ARHGEF11: variants seen among roughly 807,000 people sequenced by gnomAD.
ARHGEF11 encodes the protein Rho guanine nucleotide exchange factor 11.
Under a neutral mutation model 193.7 loss-of-function variants are expected in ARHGEF11, and 55 were observed. The ratio of observed to expected loss-of-function variants is 0.28; its 90% CI spans 0.23 to 0.36. The LOEUF (loss-of-function observed/expected upper bound fraction) is 0.36, where lower values mean the gene tolerates loss of function less well. Among genes scored for constraint, ARHGEF11 ranks in the 10% least tolerant of loss-of-function variants. The pLI, the probability that ARHGEF11 is intolerant of heterozygous loss-of-function variation, is 1.00. For missense variants in ARHGEF11, 1,723 were observed against 2,005.6 expected, an observed-to-expected ratio of 0.86 and a Z score of 2.69; for synonymous variants, 693 against 768.0, an observed-to-expected ratio of 0.90 and a Z score of 1.62.
intron 1 of ARHGEF11, among the ~76,000 whole-genome samples, chr1:157,035,443 T>C (rs1671794995): frequency 6.6e-6 from 1 of 151,870 alleles, no homozygotes; most frequent in African/African-American, 2.4e-5. Flanking sequence ...TTCGCTCTTG[T>C]TGCCCAGGCT....
intron 1 of ARHGEF11, among the ~76,000 whole-genome samples, chr1:157,036,062 T>C (rs1671963392): frequency 7.0e-6 from 1 of 143,584 alleles, no homozygotes; most frequent in African/African-American, 2.6e-5. Context: ...TAGGAATATA[T>C]ATATGAATCT....
chr1:157,041,653 C>T (rs1275487471), intron 1 of ARHGEF11, among the ~76,000 whole-genome samples: 1 of 152,198 alleles, frequency 6.6e-6, no homozygotes, highest in Non-Finnish European at 1.5e-5. Flanking sequence ...ATAATTTGTA[C>T]TTGCTGATCT....
At chr1:156,968,379 G>A (rs1662017675) in intron 10 of ARHGEF11, among the ~76,000 whole-genome samples, 1 of 152,180 alleles carries the variant, frequency 6.6e-6, no homozygotes. Flanking sequence ...GAGGTTATGA[G>A]ACTTGCTAAG....
At chr1:157,045,985 T>A (rs1673288305), upstream of ARHGEF11, among the ~76,000 whole-genome samples, 1 of 150,548 alleles carries the variant, frequency 6.6e-6, no homozygotes, top group African/African-American at 2.4e-5. Flanking sequence ...CTGACCGCCT[T>A]TCCCTGCCTC....
chr1:156,944,843 G>T (rs2101897305), intron 30 of ARHGEF11, among the ~76,000 whole-genome samples, 176 bp downstream of exon 30: 1 of 152,294 alleles, frequency 6.6e-6, no homozygotes, highest in South Asian at 2.1e-4. Flanking sequence ...GGCCTGCCTT[G>T]TCCATCTAGG....
chr1:157,004,443 A>C (rs977510967), intron 1 of ARHGEF11, among the ~76,000 whole-genome samples: 1 of 152,158 alleles, frequency 6.6e-6, no homozygotes, highest in Non-Finnish European at 1.5e-5. Flanking sequence ...CCACAATTAC[A>C]GGCAAGCTCA....
At chr1:156,955,095 G>A (rs1659751848) in intron 20 of ARHGEF11, among the ~76,000 whole-genome samples, 174 bp from the exon 21 acceptor site, 1 of 152,130 alleles carries the variant, frequency 6.6e-6, no homozygotes, top group South Asian at 2.1e-4. Flanking sequence ...AGAAAGGGAG[G>A]CCAGCCCACC....
At chr1:156,985,231 C>T (rs922346544) in intron 2 of ARHGEF11, among the ~76,000 whole-genome samples, 1 of 152,106 alleles carries the variant, frequency 6.6e-6, no homozygotes, top group Admixed American at 6.5e-5. Context: ...TATTTCTTAA[C>T]CTCTCTGTGC....
In ARHGEF11 at chr1:156,954,901, G is replaced by C. The variant is rs891871634; in HGVS notation, c.1789C>G (p.Pro597Ala). 1.2e-6 allele frequency: 2 copies of C among 1,608,340 alleles called. No individual in the cohort carries two copies. Among genetic ancestry groups the C allele is most frequent in the South Asian group, 1.1e-5 (1 of 89,376 alleles). ...SQSTFHIPLS[P>A]VEVKPGNVRN... ...AAAATGGTCCTTTTACCTTCCACAG[G>C]GGACAAGGGAATATGAAATGCTAAA... The change falls in exon 21 of 41, where the codon CCT becomes GCT. Residue 597 changes from proline (P) to alanine (A), a missense_variant. This residue lies in a region of ARHGEF11 where 491 missense variants were observed against 654.5 expected (regional missense o/e 0.75). Coordinates refer to ENST00000368194, the MANE Select transcript of ARHGEF11 (RefSeq NM_198236.3).
At chr1:157,020,080 C>T (rs148104582) in intron 1 of ARHGEF11, among the ~76,000 whole-genome samples, 4,634 of 150,042 alleles carry the variant, frequency 0.031, 87 homozygotes, top group South Asian at 0.054. Context: ...GCCAAGATCA[C>T]GCCACTGCAC....
rs1404727396 is a variant in ARHGEF11, at chr1:157,045,190, T to C, written c.-860A>G. 7 of 152,316 alleles carry C rather than the reference T, an allele frequency of 4.6e-5. No homozygotes were observed. In the East Asian group the frequency reaches 1.4e-3, roughly 29 times the overall value. 9.4% of individuals were successfully genotyped at this position (152,316 alleles called of 1,614,324 possible). A position where few individuals can be genotyped will look rare whatever the true frequency, so the allele number is the denominator to read the frequency against. On this transcript the variant is annotated 5_prime_UTR_variant, in exon 1 of 41. Coordinates refer to ENST00000368194, the MANE Select transcript of ARHGEF11 (RefSeq NM_198236.3). ...GATAATCTCTGAAAATATTCTCTCCTTTTCTTTTTCCTTTAAACTTGCAGG... is the reference window on the plus strand; with the variant it reads ...GATAATCTCTGAAAATATTCTCTCCCTTTCTTTTTCCTTTAAACTTGCAGG...
rs1178407433 is a variant in ARHGEF11, at chr1:156,948,707, G to T, written c.1926-209C>A. On this transcript the variant is annotated intron_variant, in intron 22 of 40. Coordinates refer to ENST00000368194, the MANE Select transcript of ARHGEF11 (RefSeq NM_198236.3). This position sits in a 1 kb window ranked among gnomAD's most constrained non-coding sequence, Gnocchi z 4.2. ...TCTACAAACTCCTCCTCTCTCCCCAGCCTAGCCTGATGGATGGACAGTCAT... is the reference window on the plus strand; with the variant it reads ...TCTACAAACTCCTCCTCTCTCCCCATCCTAGCCTGATGGATGGACAGTCAT... 5 of 1,517,304 alleles carry T rather than the reference G, an allele frequency of 3.3e-6. No homozygotes were observed. The East Asian group carries it at 1.3e-4, about 38-fold the overall frequency. 94.0% of individuals were successfully genotyped at this position (1,517,304 alleles called of 1,614,324 possible).
chr1:156,961,635 A>G (rs1660868909), intron 14 of ARHGEF11, 42 bp downstream of exon 14: 1 of 1,577,442 alleles, frequency 6.3e-7, no homozygotes, highest in South Asian at 1.1e-5. Flanking sequence ...GAGTAGTTCA[A>G]AGAATATGAT....
chr1:156,936,416 C>T (rs1047957010), intron 40 of ARHGEF11, among the ~76,000 whole-genome samples: 4 of 145,036 alleles, frequency 2.8e-5, no homozygotes, highest in Non-Finnish European at 6.0e-5. Flanking sequence ...TGGATCACTT[C>T]GGCCCAGGAG....
In ARHGEF11 at chr1:157,044,799, G is replaced by T. The variant is rs72994783; in HGVS notation, c.-469C>A. 5,338 of 336,764 alleles carry T rather than the reference G, an allele frequency of 0.016. 255 individuals are homozygous for T. The highest frequency in any genetic ancestry group is 0.1 in the African/African-American group (4,889 of 47,446). The allele number at this position is 336,764 out of a possible 1,614,324, so 20.9% of individuals were successfully genotyped here. On this transcript the variant is annotated 5_prime_UTR_variant, in exon 1 of 41. Transcript: ENST00000368194. ...CAAGAGACCCTCTAGCTCAAAGGGG[G>T]AAAGTAATTTTCTAGTCTCCAATGC...
intron 30 of ARHGEF11, 151 bp from the exon 31 acceptor site, chr1:156,944,584 C>A: frequency 1.2e-6 from 1 of 806,780 alleles, no homozygotes; most frequent in Admixed American, 2.5e-5. Flanking sequence ...GGGATGAAGA[C>A]AAGCAAAAAG....
chr1:156,966,530 C>A (rs1404030890), intron 11 of ARHGEF11, among the ~76,000 whole-genome samples: 1 of 152,164 alleles, frequency 6.6e-6, no homozygotes, highest in East Asian at 1.9e-4. Flanking sequence ...TTTGAAAATA[C>A]CACCTGTTTA....
chr1:157,013,263 T>A (rs12065378), intron 1 of ARHGEF11, among the ~76,000 whole-genome samples: 109,049 of 140,380 alleles, frequency 0.78, 42,906 homozygotes, highest in South Asian at 0.84. Flanking sequence ...CCACTATCAC[T>A]CACACACACA....
chr1:157,016,725 T>C (rs1359482379), intron 1 of ARHGEF11, among the ~76,000 whole-genome samples: 2 of 152,218 alleles, frequency 1.3e-5, no homozygotes, highest in Non-Finnish European at 2.9e-5. Context: ...CAAAATGAAA[T>C]TGGCATGAGT....
Sources: allele counts gnomAD v4.1 joint callset (sites outside exome capture counted in the v4.1 genomes callset), GRCh38; gene constraint gnomAD v4.1.1; regional missense constraint gnomAD v4.1.1; non-coding constraint Gnocchi (gnomAD v3.1); transcripts MANE v1.5; gene names NCBI Gene and HGNC (gene_info 2026-07-23, HGNC 2026-07-21).